OR10AG1: variants seen among roughly 807,000 people sequenced by gnomAD.
OR10AG1 encodes the protein olfactory receptor family 10 subfamily AG member 1.
For missense variants in OR10AG1, 433 were observed against 376.5 expected (o/e 1.15, Z -1.24); for synonymous variants, 147 against 128.6 (o/e 1.14, Z -0.97).
Position 55,966,284 on chromosome 11 carries a change from A to G in OR10AG1, c.*1274T>C, listed in dbSNP as rs1852687346. ...AAGTAAGAAGAATATATATATATAT[A>G]TATATATTTTTTTTTTTAAACAGAA... On this transcript the variant is annotated 3_prime_UTR_variant, in exon 2 of 2. Coordinates refer to ENST00000641071, the MANE Select transcript of OR10AG1 (RefSeq NM_001005491.2). The G allele has an allele frequency of 1.1e-5, 1 of 90,408 alleles. No homozygotes were observed. The highest frequency in any genetic ancestry group is 2.3e-5 in the Non-Finnish European group (1 of 44,044). 5.6% of individuals were successfully genotyped at this position (90,408 alleles called of 1,614,324 possible). A position where few individuals can be genotyped will look rare whatever the true frequency, so the allele number is the denominator to read the frequency against.
Position 55,968,321 on chromosome 11 carries a change from G to C in OR10AG1, c.203C>G (p.Thr68Ser). The part of the protein sequence containing the change: ...LLIKIHPALQ[T>S]PMYFFLSNFS... Reference sequence around the variant, plus strand: ...ATTGCTAAGAAAAAAATACATGGGAGTCTGGAGAGCGGGGTGAATTTTTAT... The same window carrying C: ...ATTGCTAAGAAAAAAATACATGGGACTCTGGAGAGCGGGGTGAATTTTTAT... Residue 68 changes from threonine to serine, a missense_variant, in exon 2 of 2, where the codon ACT (threonine) becomes AGT (serine). Coordinates refer to ENST00000641071, the MANE Select transcript of OR10AG1 (RefSeq NM_001005491.2). The C allele has an allele frequency of 6.2e-7, 1 of 1,613,416 alleles. No individual in the cohort carries two copies. Among genetic ancestry groups the C allele is most frequent in the Non-Finnish European group, 8.5e-7 (1 of 1,179,444 alleles).
Position 55,967,619 on chromosome 11 carries a change from GTA to G in OR10AG1, c.903_904del (p.Thr302ProfsTer16), listed in dbSNP as rs748306707. On this transcript the variant is annotated frameshift_variant, in exon 2 of 2. Coordinates refer to ENST00000641071, the MANE Select transcript of OR10AG1 (RefSeq NM_001005491.2). LOFTEE classifies it low-confidence loss of function (END_TRUNC). ...CACCATGATATCTTTGTTCCTCAGG[GTA>G]TATATAATAGGATTCAAAGTTGGAA... 3 of 1,610,018 alleles carry G rather than the reference GTA, an allele frequency of 1.9e-6. No individual in the cohort carries two copies. The African/African-American group carries it at 4.0e-5, about 22-fold the overall frequency.
Position 55,966,478 on chromosome 11 carries a change from T to G in OR10AG1, c.*1080A>C, listed in dbSNP as rs1399087059. 2 of 152,026 alleles carry G rather than the reference T, an allele frequency of 1.3e-5. No homozygotes were observed. Among genetic ancestry groups the G allele is most frequent in the Non-Finnish European group, 2.9e-5 (2 of 68,014 alleles). The allele number at this position is 152,026 out of a possible 1,614,324, so 9.4% of individuals were successfully genotyped here. The stretch of plus-strand genomic sequence containing the variant: ...ATATATTATTTCCCCTGGTTTATCT[T>G]AACAACTTACTGCAAATTGGGTGGC... On this transcript the variant is annotated 3_prime_UTR_variant, in exon 2 of 2. Transcript: ENST00000641071.
At position 55,967,696 on chromosome 11, in the gene OR10AG1, A is replaced by C; in HGVS notation, c.828T>G (p.His276Gln). 5 of 1,613,958 alleles carry C rather than the reference A, an allele frequency of 3.1e-6. No homozygotes were observed. Among genetic ancestry groups the C allele is most frequent in the Non-Finnish European group, 4.2e-6 (5 of 1,179,906 alleles). Residue 276 changes from histidine to glutamine, a missense_variant, in exon 2 of 2, where the codon CAT becomes CAG. Coordinates refer to ENST00000641071, the MANE Select transcript of OR10AG1 (RefSeq NM_001005491.2). ...TCAGTTTCCCCATCCTTTGAAACTG[A>C]TGTGGTTTGGGCTGTAAATAAGTGA... is the stretch of plus-strand genomic sequence containing the variant. ...GTITYLQPKP[H>Q]QFQRMGKLIS...
chr11:55,969,195 A>G (rs543855262), intron 1 of OR10AG1, among the ~76,000 whole-genome samples: 1 of 151,070 alleles, frequency 6.6e-6, no homozygotes, highest in Non-Finnish European at 1.5e-5. Flanking sequence ...TTTTTTTTAC[A>G]TTTCTTTTTT....
At chr11:55,969,207 T>A (rs1433604870) in intron 1 of OR10AG1, among the ~76,000 whole-genome samples, 1 of 151,830 alleles carries the variant, frequency 6.6e-6, no homozygotes, top group East Asian at 1.9e-4. Flanking sequence ...TTCTTTTTTT[T>A]ATCTAAGTGA....
intron 1 of OR10AG1, 32 bp from the exon 2 acceptor site, chr11:55,968,539 T>C: frequency 1.1e-6 from 1 of 911,456 alleles, no homozygotes; most frequent in Middle Eastern, 2.4e-4. Flanking sequence ...GACAGTTAAT[T>C]CATCCATATT....
At position 55,969,296 on chromosome 11, in the gene OR10AG1, G is replaced by A. The variant is rs144941665; in HGVS notation, c.16+596C>T. Among the ~76,000 whole-genome samples, 846 of 151,724 alleles carry A rather than the reference G, an allele frequency of 5.6e-3. 4 individuals are homozygous for A. Among genetic ancestry groups the A allele is most frequent in the Non-Finnish European group, 7.5e-3 (510 of 67,946 alleles). On this transcript the variant is annotated intron_variant, in intron 1 of 1. Coordinates refer to ENST00000641071, the MANE Select transcript of OR10AG1 (RefSeq NM_001005491.2). ...CTTCTCTCTATTTTCCCTTCATCCT[G>A]TTGCCTTATTAAAGTAAAATTCTTT...
rs143591544 is a variant in OR10AG1 at position 55,968,003 on chromosome 11, A to C, written c.521T>G (p.Ile174Ser). 59 of 1,613,950 alleles carry C rather than the reference A, an allele frequency of 3.7e-5. No homozygotes were observed. Among genetic ancestry groups the C allele is most frequent in the Non-Finnish European group, 4.6e-5 (54 of 1,179,998 alleles). ...IPVVIGETCQIFLLPFCGTNT... is the reference protein window; with the variant it reads ...IPVVIGETCQSFLLPFCGTNT... Reference sequence around the variant, plus strand: ...AGTTCCGCAAAAGGGCAAAAGGAAAATTTGGCATGTTTCCCCAATTACTAC... The same window carrying C: ...AGTTCCGCAAAAGGGCAAAAGGAAACTTTGGCATGTTTCCCCAATTACTAC... Residue 174 changes from isoleucine (I) to serine (S), a missense_variant, in exon 2 of 2, where the codon ATT becomes AGT. Physicochemically the swap from Ile to Ser is moderately radical, Grantham distance 142. Coordinates refer to ENST00000641071, the MANE Select transcript of OR10AG1 (RefSeq NM_001005491.2).
chr11:55,968,855 C>A (rs556085341), intron 1 of OR10AG1, among the ~76,000 whole-genome samples: 26 of 152,074 alleles, frequency 1.7e-4, no homozygotes, highest in Admixed American at 1.6e-3. Context: ...TATCATTTTT[C>A]TTTGTATTGG....
At position 55,967,345 on chromosome 11, in the gene OR10AG1, T is replaced by G; in HGVS notation, c.*213A>C. ...AACAGTTAACCATTGATCTTCAGAATGAGATCTTGGCACCTTAGTTAAATT... is the reference window on the plus strand; with the variant it reads ...AACAGTTAACCATTGATCTTCAGAAGGAGATCTTGGCACCTTAGTTAAATT... On this transcript the variant is annotated 3_prime_UTR_variant, in exon 2 of 2. Coordinates refer to ENST00000641071, the MANE Select transcript of OR10AG1 (RefSeq NM_001005491.2). 1.1e-5 allele frequency: 5 copies of G among 440,686 alleles called. No individual in the cohort carries two copies. The highest frequency in any genetic ancestry group is 7.6e-5 in the East Asian group (2 of 26,432). The allele number at this position is 440,686 out of a possible 1,614,324, so 27.3% of individuals were successfully genotyped here.
At position 55,967,852 on chromosome 11, in the gene OR10AG1, C is replaced by T; in HGVS notation, c.672G>A (p.Leu224=). ...AVVFITVPFL[L]IVVSYGKIIS... ...TAATTTTGCCATAAGAGACAACAAT[C>T]AACAGAAATGGCACCGTGATAAACA... The change falls in exon 2 of 2, where the codon TTG becomes TTA. Residue 224 remains leucine (L), a synonymous_variant. Transcript: ENST00000641071. 6.2e-7 allele frequency: 1 copy of T among 1,614,074 alleles called. No homozygotes were observed. The highest frequency in any genetic ancestry group is 8.5e-7 in the Non-Finnish European group (1 of 1,179,992).
Position 55,965,973 on chromosome 11 carries a change from G to T in OR10AG1, c.*1585C>A, listed in dbSNP as rs188844302. The T allele has an allele frequency of 6.6e-6, 1 of 151,924 alleles. No homozygotes were observed. Among genetic ancestry groups the T allele is most frequent in the African/African-American group, 2.4e-5 (1 of 41,424 alleles). 9.4% of individuals were successfully genotyped at this position (151,924 alleles called of 1,614,324 possible). Reference sequence around the variant, plus strand: ...CTATTATTATTGGTTTTACAAAAATGATGTTATATTTTTTAAGTACATATG... The same window carrying T: ...CTATTATTATTGGTTTTACAAAAATTATGTTATATTTTTTAAGTACATATG... On this transcript the variant is annotated 3_prime_UTR_variant, in exon 2 of 2. Coordinates refer to ENST00000641071, the MANE Select transcript of OR10AG1 (RefSeq NM_001005491.2).
chr11:55,967,613 C>T lies in OR10AG1; in HGVS notation c.911G>A (p.Arg304Lys). Residue 304 changes from arginine to lysine, a missense_variant, in exon 2 of 2, where the codon AGG becomes AAG. Arg to Lys is a conservative substitution (Grantham distance 26, BLOSUM62 2). Coordinates refer to ENST00000641071, the MANE Select transcript of OR10AG1 (RefSeq NM_001005491.2). ...PTLNPIIYTL[R>K]NKDIMVALRK... is the part of the protein sequence containing the mutation. The stretch of plus-strand genomic sequence containing the variant: ...CAATGCCACCATGATATCTTTGTTC[C>T]TCAGGGTATATATAATAGGATTCAA... 8.7e-6 allele frequency: 14 copies of T among 1,608,674 alleles called. No homozygotes were observed. Among genetic ancestry groups the T allele is most frequent in the Non-Finnish European group, 1.2e-5 (14 of 1,176,608 alleles).
chr11:55,968,067 T>A lies in OR10AG1; in HGVS notation c.457A>T (p.Ile153Phe). 2 of 1,614,078 alleles carry A rather than the reference T, an allele frequency of 1.2e-6. No individual in the cohort carries two copies. Among genetic ancestry groups the A allele is most frequent in the South Asian group, 1.1e-5 (1 of 91,086 alleles). The change falls in exon 2 of 2, where the codon ATT (isoleucine) becomes TTT (phenylalanine). Residue 153 changes from isoleucine (I) to phenylalanine (F), a missense_variant. Coordinates refer to ENST00000641071, the MANE Select transcript of OR10AG1 (RefSeq NM_001005491.2). ...YPLVMNHKVC[I>F]QLIIASWTIT... The stretch of plus-strand genomic sequence containing the variant: ...GTCCAGGAAGCTATTATCAGCTGAA[T>A]GCAGACTTTGTGGTTCATCACTAGA...
At position 55,967,885 on chromosome 11, in the gene OR10AG1, T is replaced by G. The variant is rs1389009013; in HGVS notation, c.639A>C (p.Val213=). ...ATGGCACCGTGATAAACACCACCGC[T>G]ACTACATGGACTGTTATCTCATTCA... is the stretch of plus-strand genomic sequence containing the variant. ...IFVNEITVHV[V]AVVFITVPFL... The change falls in exon 2 of 2, where the codon GTA becomes GTC. Residue 213 remains valine (V), a synonymous_variant. Transcript: ENST00000641071. 2.5e-6 allele frequency: 4 copies of G among 1,614,102 alleles called. No individual in the cohort carries two copies. In the Admixed American group the frequency reaches 6.7e-5, roughly 27 times the overall value.
chr11:55,966,163 A>G lies in OR10AG1; in HGVS notation c.*1395T>C, dbSNP rs1852685845. On this transcript the variant is annotated 3_prime_UTR_variant, in exon 2 of 2. Transcript: ENST00000641071. Reference sequence around the variant, plus strand: ...CAAATTTGTTTTGCATCAATAAAACAAATTTCGTTATAAAAGTTTTTGAAA... The same window carrying G: ...CAAATTTGTTTTGCATCAATAAAACGAATTTCGTTATAAAAGTTTTTGAAA... The G allele has an allele frequency of 6.6e-6, 1 of 151,852 alleles. No individual in the cohort carries two copies. The highest frequency in any genetic ancestry group is 2.4e-5 in the African/African-American group (1 of 41,328). The allele number at this position is 151,852 out of a possible 1,614,324, so 9.4% of individuals were successfully genotyped here.
Position 55,968,363 on chromosome 11 carries a change from C to A in OR10AG1, c.161G>T (p.Gly54Val). 1 of 1,606,952 alleles carries A rather than the reference C, an allele frequency of 6.2e-7. No individual in the cohort carries two copies. The highest frequency in any genetic ancestry group is 8.5e-7 in the Non-Finnish European group (1 of 1,173,824). The change falls in exon 2 of 2, where the codon GGC becomes GTC. Residue 54 changes from glycine (G) to valine (V), a missense_variant. By Grantham distance (109) the Gly-to-Val change is moderately radical. Coordinates refer to ENST00000641071, the MANE Select transcript of OR10AG1 (RefSeq NM_001005491.2). ...LMYLMILMCN[G>V]IIILLIKIHP... is the part of the protein sequence containing the mutation. ...AATTTTTATTAGTAGTATTATGATG[C>A]CATTGCACATCAGGATCATCAAATA...
Position 55,968,268 on chromosome 11 carries a change from T to C in OR10AG1, c.256A>G (p.Thr86Ala), listed in dbSNP as rs1286553895. The C allele has an allele frequency of 3.7e-6, 6 of 1,613,502 alleles. No individual in the cohort carries two copies. The South Asian group carries it at 6.6e-5, about 18-fold the overall frequency. The stretch of plus-strand genomic sequence containing the variant: ...ATGAGCATTCTTGGGATAATGATTG[T>C]TACATAACAGATTTCCAAAAGGGAA... ...NFSLLEICYV[T>A]IIIPRMLMDI... Residue 86 changes from threonine to alanine, a missense_variant, in exon 2 of 2, where the codon ACA becomes GCA. Thr to Ala is a moderately conservative substitution (Grantham distance 58, BLOSUM62 0). Transcript: ENST00000641071.
Sources: allele counts gnomAD v4.1 joint callset (sites outside exome capture counted in the v4.1 genomes callset), GRCh38; gene constraint gnomAD v4.1.1; transcripts MANE v1.5; gene names NCBI Gene and HGNC (gene_info 2026-07-23, HGNC 2026-07-21).